The following ATXN3 variants were observed in gnomAD, a reference collection of about 807,000 sequenced individuals.
The protein encoded by ATXN3 is ataxin 3.
Under a neutral mutation model 58.2 loss-of-function variants are expected in ATXN3, and 28 were observed. That is an observed-to-expected ratio of 0.48 (90% confidence interval 0.36 to 0.66). ATXN3 has a LOEUF of 0.66. ATXN3 is among the 30% of genes least tolerant of loss of function. The pLI is 0.00. For missense variants in ATXN3, 321 were observed against 422.1 expected, an observed-to-expected ratio of 0.76 and a Z score of 2.10; for synonymous variants, 113 against 138.5, an observed-to-expected ratio of 0.82 and a Z score of 1.29.
At chr14:92,099,328 G>A (rs1373007884) in intron 1 of ATXN3, among the ~76,000 whole-genome samples, 2 of 152,194 alleles carry the variant, frequency 1.3e-5, no homozygotes, top group East Asian at 1.9e-4. Context: ...TGGGTTATAT[G>A]TGTATAATGG....
intron 10 of ATXN3, among the ~76,000 whole-genome samples, chr14:92,068,007 C>T (rs1191666251): frequency 6.6e-5 from 10 of 152,180 alleles, no homozygotes; most frequent in South Asian, 2.1e-4. Flanking sequence ...ATGGCCTCCA[C>T]GGACATTGTG....
chr14:92,070,605 T>C, intron 10 of ATXN3: 2 of 609,138 alleles, frequency 3.3e-6, no homozygotes, highest in Non-Finnish European at 5.3e-6. Flanking sequence ...CCATGATGTC[T>C]AAGGAATTTT....
At chr14:92,070,606 A>C in intron 10 of ATXN3, 1 of 611,906 alleles carries the variant, frequency 1.6e-6, no homozygotes, top group Non-Finnish European at 2.6e-6. Context: ...CATGATGTCT[A>C]AGGAATTTTT....
intron 6 of ATXN3, among the ~76,000 whole-genome samples, chr14:92,088,001 G>C (rs775298116): frequency 6.6e-6 from 1 of 152,032 alleles, no homozygotes; most frequent in Admixed American, 6.6e-5. Flanking sequence ...CTGATGAAAA[G>C]AGACTTGTGG....
chr14:92,070,720 A>T, intron 10 of ATXN3: 1 of 1,270,010 alleles, frequency 7.9e-7, no homozygotes, highest in Non-Finnish European at 1.1e-6. Flanking sequence ...TGCTGGGATT[A>T]CAGATGTGAG....
At chr14:92,065,143 A>C (rs7143765) in intron 10 of ATXN3, among the ~76,000 whole-genome samples, 43,158 of 152,092 alleles carry the variant, frequency 0.28, 6,493 homozygotes, top group African/African-American at 0.39. Flanking sequence ...TAACTAGTGG[A>C]AACCACTAAT....
chr14:92,083,145 C>T lies in ATXN3; in HGVS notation c.589G>A (p.Ala197Thr). The T allele has an allele frequency of 6.2e-7, 1 of 1,611,770 alleles. No homozygotes were observed. The highest frequency in any genetic ancestry group is 8.5e-7 in the Non-Finnish European group (1 of 1,179,452). ...HRPKLIGEEL[A>T]QLKEQRVHKT... ...TTTTACCTTTGCTCTTTTAGTTGTG[C>T]TAATTCTTCTCCAATAAGTTTTGGT... The change falls in exon 7 of 11, where the codon GCA (alanine) becomes ACA (threonine). Residue 197 changes from alanine (A) to threonine (T), a missense_variant. Coordinates refer to ENST00000644486, the MANE Select transcript of ATXN3 (RefSeq NM_004993.6).
intron 1 of ATXN3, among the ~76,000 whole-genome samples, chr14:92,104,740 T>C (rs966588136): frequency 1.3e-5 from 2 of 150,984 alleles, no homozygotes; most frequent in African/African-American, 2.4e-5. Flanking sequence ...CTGGCCAACA[T>C]GGTGAAACCC....
intron 9 of ATXN3, among the ~76,000 whole-genome samples, chr14:92,075,655 G>A (rs1026173652): frequency 1.3e-5 from 2 of 152,150 alleles, no homozygotes; most frequent in African/African-American, 4.8e-5. Context: ...AATTTGGGAA[G>A]GGTGAGAGGG....
rs376552690 is a variant in ATXN3, at chr14:92,075,156, GT to G, written c.873-4104del. Among the ~76,000 whole-genome samples the G allele has an allele frequency of 7.9e-3, 875 of 111,204 alleles. 3 individuals are homozygous for G. Among genetic ancestry groups the G allele is most frequent in the South Asian group, 0.014 (48 of 3,388 alleles). The allele number at this position is 111,204 out of a possible 152,430, so 73.0% of individuals were successfully genotyped here. On this transcript the variant is annotated intron_variant, in intron 9 of 10. Coordinates refer to ENST00000644486, the MANE Select transcript of ATXN3 (RefSeq NM_004993.6). ...ATAAATTATGAATCTGTAATAGGGAGTTTTTTTTTTTTTTTTTTTTTTTTTG... is the reference window on the plus strand; with the variant it reads ...ATAAATTATGAATCTGTAATAGGGAGTTTTTTTTTTTTTTTTTTTTTTTTG...
intron 2 of ATXN3, among the ~76,000 whole-genome samples, chr14:92,047,234 TGAG>T (rs981662309): frequency 7.9e-5 from 12 of 152,318 alleles, no homozygotes; most frequent in African/African-American, 2.9e-4. Flanking sequence ...AGGAAGGTAT[TGAG>T]GACAAACAAG....
chr14:92,103,124 AAAAC>A (rs2067240438), intron 1 of ATXN3, among the ~76,000 whole-genome samples: 1 of 150,590 alleles, frequency 6.6e-6, no homozygotes, highest in Non-Finnish European at 1.5e-5. Flanking sequence ...AAAAAAAAAA[AAAAC>A]AAAGCAGGCA....
intron 1 of ATXN3, among the ~76,000 whole-genome samples, chr14:92,105,869 A>C (rs1164134694): frequency 6.6e-6 from 1 of 152,228 alleles, no homozygotes; most frequent in Non-Finnish European, 1.5e-5. Flanking sequence ...GTACCAAAAG[A>C]AACCAAACCC....
chr14:92,096,052 G>A, intron 3 of ATXN3, 41 bp downstream of exon 3: 2 of 1,471,052 alleles, frequency 1.4e-6, no homozygotes, highest in South Asian at 1.1e-5. Context: ...AACGGTGCCT[G>A]GGATGTAAGC....
chr14:92,072,553 C>A (rs1010265593), intron 9 of ATXN3, among the ~76,000 whole-genome samples: 43 of 152,002 alleles, frequency 2.8e-4, no homozygotes, highest in Non-Finnish European at 5.7e-4. Context: ...TCCTAAAAAA[C>A]CCCAAATCTA....
chr14:92,098,716 C>G (rs1252863774), intron 1 of ATXN3, among the ~76,000 whole-genome samples: 1 of 152,166 alleles, frequency 6.6e-6, no homozygotes, highest in East Asian at 1.9e-4. Context: ...TGCTGAAGTT[C>G]TCTTCATGGA....
At chr14:92,103,811 C>G (rs1354907369) in intron 1 of ATXN3, among the ~76,000 whole-genome samples, 1 of 152,166 alleles carries the variant, frequency 6.6e-6, no homozygotes, top group Non-Finnish European at 1.5e-5. Context: ...CCTTCGTAGG[C>G]AGATATTGCT....
In ATXN3 at chr14:92,071,020, CTGCTGCTGCTGCTGT is replaced by C. The variant is rs1555397115; in HGVS notation, c.891_905del (p.Gln301_Gln305del). 6 of 1,607,458 alleles carry C rather than the reference CTGCTGCTGCTGCTGT, an allele frequency of 3.7e-6. No homozygotes were observed. Among genetic ancestry groups the C allele is most frequent in the South Asian group, 3.3e-5 (3 of 90,490 alleles). Reference sequence around the variant, plus strand: ...GTCCTGATAGGTCCCCCTGCTGCTGCTGCTGCTGCTGCTGTTGCTGCTTTTGCTGCTGTCTGAAAC... The same window carrying C: ...GTCCTGATAGGTCCCCCTGCTGCTGCTGCTGCTTTTGCTGCTGTCTGAAAC... On this transcript the variant is annotated inframe_deletion, in exon 10 of 11. Transcript: ENST00000644486.
downstream of ATXN3, among the ~76,000 whole-genome samples, chr14:92,053,560 G>A (rs34348914): frequency 0.078 from 11,564 of 148,946 alleles, 582 homozygotes; most frequent in Admixed American, 0.14. Context: ...GCAGTGGTGC[G>A]ATCATAGCTC....
Sources: allele counts gnomAD v4.1 joint callset (sites outside exome capture counted in the v4.1 genomes callset), GRCh38; gene constraint gnomAD v4.1.1; transcripts MANE v1.5; gene names NCBI Gene and HGNC (gene_info 2026-07-23, HGNC 2026-07-21).